Variants in SMPD3 observed in about 807,000 individuals in gnomAD.
SMPD3 encodes the protein nSMase-2.
SMPD3 carries 21 observed loss-of-function variants against 55.7 expected under a neutral mutation model. That is an observed-to-expected ratio of 0.38 (90% confidence interval 0.27 to 0.54). The LOEUF (loss-of-function observed/expected upper bound fraction) is 0.54. SMPD3 is among the 20% of genes least tolerant of loss of function. The pLI is 0.80. For synonymous variants in SMPD3, 457 were observed against 404.3 expected, an observed-to-expected ratio of 1.13 and a Z score of -1.56; for missense variants, 842 against 899.6, an observed-to-expected ratio of 0.94 and a Z score of 0.82.
At chr16:68,381,980 A>T (rs1287265528) in intron 2 of SMPD3, 1 of 152,238 alleles carries the variant, frequency 6.6e-6, no homozygotes, top group Non-Finnish European at 1.5e-5. Flanking sequence ...TTTGTCCTGA[A>T]TCCAGGCCAG....
intron 1 of SMPD3, among the ~76,000 whole-genome samples, chr16:68,427,280 G>T (rs944657086): frequency 7.2e-5 from 11 of 152,138 alleles, no homozygotes; most frequent in African/African-American, 2.7e-4. Context: ...TGGGATTAAG[G>T]CGTGAGCCAC....
intron 1 of SMPD3, among the ~76,000 whole-genome samples, chr16:68,441,551 T>C (rs1221487801): frequency 6.6e-6 from 1 of 152,086 alleles, no homozygotes; most frequent in African/African-American, 2.4e-5. Context: ...TTTTAACCTG[T>C]AATCAATATT....
chr16:68,402,621 T>C (rs930512173), intron 1 of SMPD3, among the ~76,000 whole-genome samples: 2 of 150,470 alleles, frequency 1.3e-5, no homozygotes, highest in Non-Finnish European at 2.9e-5. Context: ...CACTCCTTCC[T>C]GACTGCCAGC....
intron 2 of SMPD3, among the ~76,000 whole-genome samples, chr16:68,377,810 C>T (rs2089856750): frequency 6.6e-6 from 1 of 152,208 alleles, no homozygotes; most frequent in Non-Finnish European, 1.5e-5. Context: ...TGCAAAGGGT[C>T]CTAGGTGGAT....
rs139157291 is a variant in SMPD3, at chr16:68,404,346, C to T, written c.-268-17687G>A. On this transcript the variant is annotated intron_variant, in intron 1 of 8. Transcript: ENST00000219334. The surrounding 1 kb of genome is among the most constrained non-coding windows in gnomAD (Gnocchi z 4.0). Reference sequence around the variant, plus strand: ...AACTCCCGACCTCAGGTGATCTGCCCGCCTCAGCCTCCCAAATTGCTGAGA... The same window carrying T: ...AACTCCCGACCTCAGGTGATCTGCCTGCCTCAGCCTCCCAAATTGCTGAGA... Among the ~76,000 whole-genome samples, 3 of 152,120 alleles carry T rather than the reference C, an allele frequency of 2.0e-5. No homozygotes were observed. Among genetic ancestry groups the T allele is most frequent in the Non-Finnish European group, 4.4e-5 (3 of 67,980 alleles).
chr16:68,417,866 C>A (rs1326902043), intron 1 of SMPD3, among the ~76,000 whole-genome samples: 1 of 152,160 alleles, frequency 6.6e-6, no homozygotes, highest in Non-Finnish European at 1.5e-5. Flanking sequence ...GTCAGACAGA[C>A]CTGTCTGCCG....
Position 68,364,858 on chromosome 16 carries a change from A to T in SMPD3, c.1448T>A (p.Leu483Gln). The T allele has an allele frequency of 6.2e-7, 1 of 1,613,994 alleles. No individual in the cohort carries two copies. The highest frequency in any genetic ancestry group is 1.1e-5 in the South Asian group (1 of 91,078). The change falls in exon 5 of 9, where the codon CTG (leucine) becomes CAG (glutamine). Residue 483 changes from leucine to glutamine, a missense_variant. Physicochemically the swap from Leu to Gln is moderately radical, Grantham distance 113. Coordinates refer to ENST00000219334, the MANE Select transcript of SMPD3 (RefSeq NM_018667.4). ...GGAGGTAGATTTTCGGAAATCAGCC[A>T]GCCAGTCCTGAAGCAGGTCCAGCTG... Reference protein sequence around the residue: ...CGQLDLLQDWLADFRKSTSSS... With the variant: ...CGQLDLLQDWQADFRKSTSSS...
intron 2 of SMPD3, among the ~76,000 whole-genome samples, chr16:68,375,066 C>T (rs1210466457): frequency 6.6e-6 from 1 of 152,200 alleles, no homozygotes; most frequent in Non-Finnish European, 1.5e-5. Context: ...CCTGAGGTCA[C>T]CAGCCCAGCC....
chr16:68,364,839 A>G lies in SMPD3; in HGVS notation c.1467T>C (p.Ser489=). ...GGTTGGCTGCGCTGGACGAGGAGGT[A>G]GATTTTCGGAAATCAGCCAGCCAGT... is the stretch of plus-strand genomic sequence containing the variant. ...LQDWLADFRK[S]TSSSSAANPE... is the part of the protein sequence containing the mutation. Residue 489 remains serine, a synonymous_variant, in exon 5 of 9, where the codon TCT becomes TCC. Coordinates refer to ENST00000219334, the MANE Select transcript of SMPD3 (RefSeq NM_018667.4). The G allele has an allele frequency of 6.2e-7, 1 of 1,613,902 alleles. No individual in the cohort carries two copies. The highest frequency in any genetic ancestry group is 8.5e-7 in the Non-Finnish European group (1 of 1,180,030).
chr16:68,396,332 A>T (rs1228545167), intron 1 of SMPD3, among the ~76,000 whole-genome samples: 1 of 152,044 alleles, frequency 6.6e-6, no homozygotes, highest in Non-Finnish European at 1.5e-5. Context: ...TGAGGACCCC[A>T]GTGACCAGGC....
intron 1 of SMPD3, among the ~76,000 whole-genome samples, chr16:68,411,837 A>T (rs1267172112): frequency 6.6e-6 from 1 of 152,224 alleles, no homozygotes; most frequent in African/African-American, 2.4e-5. Context: ...AGCATCAAAA[A>T]GTGCTGAAGA....
chr16:68,444,555 C>T (rs922870785), intron 1 of SMPD3, among the ~76,000 whole-genome samples: 4 of 152,140 alleles, frequency 2.6e-5, no homozygotes, highest in South Asian at 2.1e-4. Flanking sequence ...AACAGAAACA[C>T]CACCCACATC....
chr16:68,423,448 G>A (rs1182252297), intron 1 of SMPD3, among the ~76,000 whole-genome samples: 1 of 152,118 alleles, frequency 6.6e-6, no homozygotes, highest in African/African-American at 2.4e-5. Context: ...TTTATAAGAG[G>A]AAGAGAGATC....
chr16:68,445,767 G>C (rs2090604692), intron 1 of SMPD3, among the ~76,000 whole-genome samples: 1 of 152,206 alleles, frequency 6.6e-6, no homozygotes, highest in African/African-American at 2.4e-5. Flanking sequence ...GCCATCATCT[G>C]GTCTCTCATC....
At chr16:68,376,872 C>T (rs537153666) in intron 2 of SMPD3, among the ~76,000 whole-genome samples, 3 of 152,218 alleles carry the variant, frequency 2.0e-5, no homozygotes, top group Admixed American at 1.3e-4. Flanking sequence ...GACCTGAGTG[C>T]AACCCTGCAC....
chr16:68,385,499 G>A (rs1430484408), intron 2 of SMPD3, among the ~76,000 whole-genome samples: 1 of 151,962 alleles, frequency 6.6e-6, no homozygotes, highest in Non-Finnish European at 1.5e-5. Flanking sequence ...AAACTCCAAC[G>A]ATCTTCTTCC....
chr16:68,374,414 G>A (rs1033290203), intron 2 of SMPD3, among the ~76,000 whole-genome samples: 31 of 151,878 alleles, frequency 2.0e-4, no homozygotes, highest in African/African-American at 6.3e-4. Flanking sequence ...AACACTGGAC[G>A]GGTGCAGTTT....
At chr16:68,415,806 T>TC (rs1291523256) in intron 1 of SMPD3, among the ~76,000 whole-genome samples, 1 of 11,254 alleles carries the variant, frequency 8.9e-5, no homozygotes, top group East Asian at 0.01. Flanking sequence ...CTCTTCAGCT[T>TC]TTTTTTTTTT....
chr16:68,421,344 C>T (rs1472800345), intron 1 of SMPD3, among the ~76,000 whole-genome samples: 1 of 152,190 alleles, frequency 6.6e-6, no homozygotes, highest in Admixed American at 6.5e-5. Context: ...CTGTGTAACT[C>T]AAGGTAAAGA....
Sources: allele counts gnomAD v4.1 joint callset (sites outside exome capture counted in the v4.1 genomes callset), GRCh38; gene constraint gnomAD v4.1.1; non-coding constraint Gnocchi (gnomAD v3.1); transcripts MANE v1.5; gene names NCBI Gene and HGNC (gene_info 2026-07-23, HGNC 2026-07-21).